B3GAT2: variants seen among roughly 807,000 people sequenced by gnomAD.
The protein encoded by B3GAT2 is beta-1,3-glucuronyltransferase 2, also known as galactosylgalactosylxylosylprotein 3-beta-glucuronosyltransferase 2.
A neutral mutation model predicts 27.8 loss-of-function variants in B3GAT2; 26 were observed. That is an observed-to-expected ratio of 0.93 (90% CI 0.68 to 1.30). B3GAT2 has a LOEUF of 1.30. Ranked by LOEUF, B3GAT2 falls within the 50% of genes most tolerant of loss-of-function variation. The probability of loss-of-function intolerance (pLI) is 0.00; values close to 1 mark genes in which losing one functional copy is unlikely to be tolerated. For synonymous variants in B3GAT2, 218 were observed against 195.1 expected, an observed-to-expected ratio of 1.12 and a Z score of -0.98; for missense variants, 458 against 459.0, an observed-to-expected ratio of 1.00 and a Z score of 0.02.
At chr6:70,908,778 T>C (rs900702234) in intron 1 of B3GAT2, among the ~76,000 whole-genome samples, 3 of 152,102 alleles carry the variant, frequency 2.0e-5, no homozygotes, top group South Asian at 2.1e-4. Context: ...TGGAACTGGA[T>C]GCAGGATAAA....
chr6:70,955,935 G>A lies in B3GAT2; in HGVS notation c.495C>T (p.Ala165=), dbSNP rs1195585588. 1.3e-6 allele frequency: 2 copies of A among 1,586,574 alleles called. No homozygotes were observed. The highest frequency in any genetic ancestry group is 1.7e-6 in the Non-Finnish European group (2 of 1,168,408). ...GGTGCTGGTGCCTCTGGCGCAGCCA[G>A]GCGAGGCCCGCGTTGCGCTGCTCAG... ...RATEQRNAGL[A]WLRQRHQHQR... The change falls in exon 1 of 4, where the codon GCC becomes GCT. Residue 165 remains alanine, a synonymous_variant. Transcript: ENST00000230053.
chr6:70,915,733 G>C (rs1772762460), intron 1 of B3GAT2, among the ~76,000 whole-genome samples: 1 of 152,128 alleles, frequency 6.6e-6, no homozygotes, highest in African/African-American at 2.4e-5. Flanking sequence ...TGTTATTTCT[G>C]AGGCCTCTGT....
chr6:70,944,084 T>A (rs1273316517), intron 1 of B3GAT2, among the ~76,000 whole-genome samples: 1 of 152,204 alleles, frequency 6.6e-6, no homozygotes, highest in Non-Finnish European at 1.5e-5. Flanking sequence ...CATATAATTT[T>A]GAGCTGGCAG....
chr6:70,951,201 TGAC>T (rs1765573755), intron 1 of B3GAT2, among the ~76,000 whole-genome samples: 1 of 152,216 alleles, frequency 6.6e-6, no homozygotes, highest in African/African-American at 2.4e-5. Flanking sequence ...CAAAAAACAA[TGAC>T]GACAACAAAA....
chr6:70,869,973 G>A (rs947581242), intron 2 of B3GAT2, among the ~76,000 whole-genome samples: 1 of 152,058 alleles, frequency 6.6e-6, no homozygotes, highest in Admixed American at 6.6e-5. Flanking sequence ...CATTGTGGAA[G>A]TCAGTGTGGC....
chr6:70,895,836 T>TC (rs1040554806), intron 1 of B3GAT2, among the ~76,000 whole-genome samples: 2 of 151,760 alleles, frequency 1.3e-5, no homozygotes, highest in African/African-American at 4.8e-5. Flanking sequence ...TTTACAACTT[T>TC]TTTTTTTTTT....
In B3GAT2 at chr6:70,877,539, C is replaced by T. The variant is rs571183814; in HGVS notation, c.737-15561G>A. Among the ~76,000 whole-genome samples the T allele has an allele frequency of 1.6e-4, 24 of 152,304 alleles. No homozygotes were observed. The Middle Eastern group carries it at 0.01, about 65-fold the overall frequency. On this transcript the variant is annotated intron_variant, in intron 2 of 3. Transcript: ENST00000230053. Reference sequence around the variant, plus strand: ...TCTGTACAGGTTTTTCTCCTTCTCACTCCTTCAAAGGGGCTTCTAACAGCG... The same window carrying T: ...TCTGTACAGGTTTTTCTCCTTCTCATTCCTTCAAAGGGGCTTCTAACAGCG...
Position 70,859,239 on chromosome 6 carries a change from A to T in B3GAT2, c.*2424T>A. The T allele has an allele frequency of 1.2e-6, 1 of 813,534 alleles. No homozygotes were observed. Among genetic ancestry groups the T allele is most frequent in the Non-Finnish European group, 1.9e-6 (1 of 519,334 alleles). 50.4% of individuals were successfully genotyped at this position (813,534 alleles called of 1,614,324 possible). On this transcript the variant is annotated 3_prime_UTR_variant, in exon 4 of 4. Coordinates refer to ENST00000230053, the MANE Select transcript of B3GAT2 (RefSeq NM_080742.3). ...TAAAAAATTGTATGTGCTAAGTGTC[A>T]GTCACATGGTCAACATGCTGAAGCA...
chr6:70,923,431 C>T (rs911289040), intron 1 of B3GAT2, among the ~76,000 whole-genome samples: 1 of 152,152 alleles, frequency 6.6e-6, no homozygotes, highest in African/African-American at 2.4e-5. Flanking sequence ...AATCCCTGCA[C>T]TTTGGGAGGC....
At chr6:70,871,829 A>T (rs1209656898) in intron 2 of B3GAT2, among the ~76,000 whole-genome samples, 1 of 151,816 alleles carries the variant, frequency 6.6e-6, no homozygotes, top group Non-Finnish European at 1.5e-5. Flanking sequence ...TAATGGAGGT[A>T]TGTGAAGCTA....
At chr6:70,944,292 G>T (rs938534693) in intron 1 of B3GAT2, among the ~76,000 whole-genome samples, 1 of 152,164 alleles carries the variant, frequency 6.6e-6, no homozygotes, top group South Asian at 2.1e-4. Context: ...CTCGGGAAGC[G>T]CAAGGGGTCA....
At chr6:70,915,672 C>T (rs1266316968) in intron 1 of B3GAT2, among the ~76,000 whole-genome samples, 5 of 151,490 alleles carry the variant, frequency 3.3e-5, no homozygotes, top group African/African-American at 4.8e-5. Context: ...AATCCTTTCC[C>T]GATTTGTTTT....
intron 1 of B3GAT2, among the ~76,000 whole-genome samples, chr6:70,951,522 T>C (rs1191675455): frequency 6.6e-6 from 1 of 152,054 alleles, no homozygotes; most frequent in Non-Finnish European, 1.5e-5. Context: ...CAGTGAAAAG[T>C]AGGTTGAGAG....
Position 70,857,647 on chromosome 6 carries a change from T to C in B3GAT2, c.*4016A>G. On this transcript the variant is annotated 3_prime_UTR_variant, in exon 4 of 4. Coordinates refer to ENST00000230053, the MANE Select transcript of B3GAT2 (RefSeq NM_080742.3). Reference sequence around the variant, plus strand: ...GTGTATGATGTCATGCTACATAGTTTGGTCTTCACAGTGGAAGATATTTTG... The same window carrying C: ...GTGTATGATGTCATGCTACATAGTTCGGTCTTCACAGTGGAAGATATTTTG... 2 of 436,286 alleles carry C rather than the reference T, an allele frequency of 4.6e-6. 1 individual carries two copies. Among genetic ancestry groups the C allele is most frequent in the South Asian group, 5.0e-5 (2 of 40,054 alleles). The allele number at this position is 436,286 out of a possible 1,614,324, so 27.0% of individuals were successfully genotyped here.
chr6:70,946,979 C>T (rs961568768), intron 1 of B3GAT2, among the ~76,000 whole-genome samples: 1 of 152,150 alleles, frequency 6.6e-6, no homozygotes, highest in African/African-American at 2.4e-5. Flanking sequence ...TCCTGAATGA[C>T]TACTGGGTAC....
Position 70,894,195 on chromosome 6 carries a change from T to C in B3GAT2, c.669A>G (p.Glu223=), listed in dbSNP as rs1490566496. The C allele has an allele frequency of 6.2e-7, 1 of 1,613,762 alleles. No individual in the cohort carries two copies. The highest frequency in any genetic ancestry group is 1.3e-5 in the African/African-American group (1 of 74,926). The change falls in exon 2 of 4, where the codon GAA becomes GAG. Residue 223 remains glutamate, a synonymous_variant. Transcript: ENST00000230053. The stretch of plus-strand genomic sequence containing the variant: ...TGTACCAGCCAACAACTTTGCCGTT[T>C]TCCACCAGCGGACGTTCGTAGCGCC... The part of the protein sequence containing the change: ...GGRRYERPLV[E]NGKVVGWYTG...
chr6:70,944,256 C>A (rs1018490019), intron 1 of B3GAT2, among the ~76,000 whole-genome samples: 2 of 152,228 alleles, frequency 1.3e-5, no homozygotes, highest in South Asian at 4.1e-4. Flanking sequence ...CGTGCCCAAG[C>A]GAAAGCAGGG....
In B3GAT2 at chr6:70,892,772, C is replaced by T. The variant is rs78677750; in HGVS notation, c.736+1356G>A. 3.9e-3 allele frequency among the ~76,000 whole-genome samples: 598 copies of T among 152,262 alleles called. 7 individuals carry two copies. The highest frequency in any genetic ancestry group is 0.014 in the African/African-American group (582 of 41,546). ...GTACACTTCTGGTCAGCAAGAAGCC[C>T]GATTTTCAAAAGATACACTATGCCC... On this transcript the variant is annotated intron_variant, in intron 2 of 3. Transcript: ENST00000230053.
chr6:70,885,573 G>T (rs1328359753), intron 2 of B3GAT2, among the ~76,000 whole-genome samples: 1 of 152,016 alleles, frequency 6.6e-6, no homozygotes, highest in Admixed American at 6.6e-5. Flanking sequence ...ATGAGCACAG[G>T]TCCACCCGCC....
Sources: allele counts gnomAD v4.1 joint callset (sites outside exome capture counted in the v4.1 genomes callset), GRCh38; gene constraint gnomAD v4.1.1; transcripts MANE v1.5; gene names NCBI Gene and HGNC (gene_info 2026-07-23, HGNC 2026-07-21).